Variants in ADAMTS2 observed in about 807,000 individuals in gnomAD.
ADAMTS2 encodes the protein A disintegrin and metalloproteinase with thrombospondin motifs 2.
ADAMTS2 carries 50 observed loss-of-function variants against 123.0 expected under a neutral mutation model. That is an observed-to-expected ratio of 0.41 (90% CI 0.32 to 0.51). The LOEUF (loss-of-function observed/expected upper bound fraction) is 0.51, where lower values mean the gene tolerates loss of function less well. Ranked by LOEUF, ADAMTS2 falls within the 20% of genes least tolerant of loss-of-function variation. The probability of loss-of-function intolerance (pLI) is 0.35; values close to 1 mark genes in which losing one functional copy is unlikely to be tolerated. For missense variants in ADAMTS2, 1,494 were observed against 1,705.2 expected (o/e 0.88, Z 2.18); for synonymous variants, 678 against 695.4 (o/e 0.98, Z 0.39).
At chr5:179,172,738 T>C (rs1763849001) in intron 5 of ADAMTS2, among the ~76,000 whole-genome samples, 1 of 152,132 alleles carries the variant, frequency 6.6e-6, no homozygotes, top group Non-Finnish European at 1.5e-5. Flanking sequence ...AAATCAGAAA[T>C]AAAGGACTGA....
At chr5:179,136,562 G>A (rs897066373) in intron 12 of ADAMTS2, among the ~76,000 whole-genome samples, 1 of 151,960 alleles carries the variant, frequency 6.6e-6, no homozygotes, top group Non-Finnish European at 1.5e-5. Context: ...ATACTTGGGA[G>A]GCTGAGGCAG....
intron 2 of ADAMTS2, among the ~76,000 whole-genome samples, chr5:179,302,687 T>G (rs1337197836): frequency 6.8e-6 from 1 of 147,316 alleles, no homozygotes; most frequent in Non-Finnish European, 1.5e-5. Context: ...CGACAGAGAG[T>G]GACGCAGCCG....
intron 3 of ADAMTS2, among the ~76,000 whole-genome samples, chr5:179,252,116 T>C (rs1358640984): frequency 6.6e-6 from 1 of 151,320 alleles, no homozygotes; most frequent in African/African-American, 2.4e-5. Flanking sequence ...CAAGCAATTC[T>C]CCTGCCTCAG....
intron 2 of ADAMTS2, among the ~76,000 whole-genome samples, chr5:179,279,597 G>A (rs1766835569): frequency 6.6e-6 from 1 of 152,218 alleles, no homozygotes; most frequent in Non-Finnish European, 1.5e-5. Context: ...AGCCTGCTCG[G>A]GCACTCTCTT....
chr5:179,300,094 C>CAAAAAA (rs59939578), intron 2 of ADAMTS2, among the ~76,000 whole-genome samples: 5 of 102,296 alleles, frequency 4.9e-5, no homozygotes, highest in Non-Finnish European at 7.6e-5. Flanking sequence ...GACTCCGTCT[C>CAAAAAA]AAAAAAAAAA....
At chr5:179,254,766 A>C (rs1766007303) in intron 3 of ADAMTS2, among the ~76,000 whole-genome samples, 1 of 152,248 alleles carries the variant, frequency 6.6e-6, no homozygotes, top group Non-Finnish European at 1.5e-5. Context: ...GGCTGAAAGA[A>C]ACACAACAGG....
At chr5:179,265,336 C>T (rs116655345) in intron 3 of ADAMTS2, among the ~76,000 whole-genome samples, 1,728 of 152,252 alleles carry the variant, frequency 0.011, 35 homozygotes, top group African/African-American at 0.039. Context: ...GGAGAGGTGG[C>T]GGGGGAAGGG....
intron 2 of ADAMTS2, among the ~76,000 whole-genome samples, chr5:179,338,502 A>T (rs907636018): frequency 6.6e-6 from 1 of 152,168 alleles, no homozygotes; most frequent in Non-Finnish European, 1.5e-5. Context: ...CACGTAAGGC[A>T]GCAGGGGAGG....
At chr5:179,212,373 G>A (rs1764876450) in intron 3 of ADAMTS2, among the ~76,000 whole-genome samples, 2 of 147,718 alleles carry the variant, frequency 1.4e-5, no homozygotes, top group Non-Finnish European at 3.0e-5. Flanking sequence ...GAGGGCGGGT[G>A]CAGTGGGCAG....
chr5:179,236,633 TA>T (rs927829435), intron 3 of ADAMTS2, among the ~76,000 whole-genome samples: 4 of 151,888 alleles, frequency 2.6e-5, no homozygotes, highest in African/African-American at 9.7e-5. Context: ...TCCATACACA[TA>T]AAAAAAATTA....
Position 179,181,051 on chromosome 5 carries a change from G to A in ADAMTS2, c.975+21C>T, listed in dbSNP as rs375685201. ...ACTCCGAGGGGGTGGAGGCAGGCCC[G>A]GCTGGCCACAGTGCACTCACCTTTC... On this transcript the variant is annotated intron_variant, in intron 5 of 21. Coordinates refer to ENST00000251582, the MANE Select transcript of ADAMTS2 (RefSeq NM_014244.5). The surrounding 1 kb of genome is among the most constrained non-coding windows in gnomAD (Gnocchi z 4.1). The A allele has an allele frequency of 4.1e-5, 66 of 1,604,886 alleles. No individual in the cohort carries two copies. The highest frequency in any genetic ancestry group is 4.0e-4 in the African/African-American group (30 of 74,712).
chr5:179,241,671 T>C (rs1307177808), intron 3 of ADAMTS2, among the ~76,000 whole-genome samples: 1 of 152,246 alleles, frequency 6.6e-6, no homozygotes, highest in Non-Finnish European at 1.5e-5. Flanking sequence ...ACTTGTGCAA[T>C]TTGAATTTAT....
intron 3 of ADAMTS2, among the ~76,000 whole-genome samples, chr5:179,212,008 C>T (rs998785272): frequency 5.3e-5 from 8 of 152,138 alleles, no homozygotes; most frequent in African/African-American, 1.9e-4. Context: ...TGGGCACGCG[C>T]CCAGGCCTCT....
In ADAMTS2 at chr5:179,337,752, G is replaced by A. The variant is rs763544632; in HGVS notation, c.534+6015C>T. On this transcript the variant is annotated intron_variant, in intron 2 of 21. Coordinates refer to ENST00000251582, the MANE Select transcript of ADAMTS2 (RefSeq NM_014244.5). ...GCAGCCACGAGGCAAAGCCAGCCTCGCTGCTGAGCGGATGTCCCTGGCTGA... is the reference window on the plus strand; with the variant it reads ...GCAGCCACGAGGCAAAGCCAGCCTCACTGCTGAGCGGATGTCCCTGGCTGA... Among the ~76,000 whole-genome samples the A allele has an allele frequency of 7.9e-5, 12 of 152,240 alleles. No homozygotes were observed. In the East Asian group the frequency reaches 9.6e-4, roughly 12 times the overall value.
chr5:179,125,634 G>A (rs1762841089), intron 18 of ADAMTS2, among the ~76,000 whole-genome samples: 1 of 152,234 alleles, frequency 6.6e-6, no homozygotes, highest in African/African-American at 2.4e-5. Flanking sequence ...TCCCCACTGA[G>A]GTCCCTGGAC....
intron 2 of ADAMTS2, among the ~76,000 whole-genome samples, chr5:179,336,611 G>C (rs1164886202): frequency 6.6e-6 from 1 of 152,134 alleles, no homozygotes; most frequent in Non-Finnish European, 1.5e-5. Flanking sequence ...TCCCGTAACC[G>C]ATGGCACCTT....
At chr5:179,223,527 CATGCACTCACACTCACACGA>C (rs1561814275) in intron 3 of ADAMTS2, among the ~76,000 whole-genome samples, 6 of 146,960 alleles carry the variant, frequency 4.1e-5, no homozygotes, top group Admixed American at 6.7e-5. Context: ...CACTCACACA[CATGCACTCACACTCACACGA>C]ATGCACTCAC....
chr5:179,140,728 C>A (rs1763148215), intron 10 of ADAMTS2, among the ~76,000 whole-genome samples: 1 of 150,238 alleles, frequency 6.7e-6, no homozygotes, highest in Admixed American at 6.6e-5. Flanking sequence ...ACCAAACAAC[C>A]AAAAAACAGA....
intron 2 of ADAMTS2, among the ~76,000 whole-genome samples, chr5:179,341,528 G>A (rs1014322193): frequency 1.9e-4 from 29 of 151,294 alleles, no homozygotes; most frequent in African/African-American, 6.0e-4. Context: ...GTGAAACACC[G>A]TCTCTACTAA....
Sources: gnomAD v4.1 joint callset for allele counts (sites outside exome capture counted in the v4.1 genomes callset) on GRCh38, gnomAD v4.1.1 for gene constraint, Gnocchi (gnomAD v3.1) non-coding constraint, MANE v1.5 for transcripts, NCBI Gene and HGNC (gene_info 2026-07-23, HGNC 2026-07-21) for gene names.